Variants in ENOX1 observed in about 807,000 individuals in gnomAD.
ENOX1 encodes the protein candidate growth-related and time keeping constitutive hydroquinone (NADH) oxidase.
A neutral mutation model predicts 82.5 loss-of-function variants in ENOX1; 42 were observed. That is an observed-to-expected ratio of 0.51 (90% CI 0.40 to 0.66). The LOEUF (loss-of-function observed/expected upper bound fraction) is 0.66, where lower values mean the gene tolerates loss of function less well. Ranked by LOEUF, ENOX1 falls within the 30% of genes least tolerant of loss-of-function variation. The pLI, the probability that ENOX1 is intolerant of heterozygous loss-of-function variation, is 0.00. For synonymous variants in ENOX1, 271 were observed against 282.2 expected (o/e 0.96, Z 0.40); for missense variants, 608 against 811.6 (o/e 0.75, Z 3.05).
chr13:43,460,328 T>C (rs564551367), intron 3 of ENOX1, among the ~76,000 whole-genome samples: 1 of 152,336 alleles, frequency 6.6e-6, no homozygotes, highest in Non-Finnish European at 1.5e-5. Flanking sequence ...TAAAGTGTTC[T>C]GTTTCTATTT....
At chr13:43,572,556 A>C (rs1420716053) in intron 2 of ENOX1, among the ~76,000 whole-genome samples, 7 of 152,236 alleles carry the variant, frequency 4.6e-5, no homozygotes, top group African/African-American at 9.6e-5. Context: ...ATCAGTGAAC[A>C]TTTCTCAGAC....
At chr13:43,225,328 G>A (rs576085506) in intron 15 of ENOX1, among the ~76,000 whole-genome samples, 2 of 152,284 alleles carry the variant, frequency 1.3e-5, no homozygotes, top group South Asian at 2.1e-4. Flanking sequence ...CCATTACCAG[G>A]GGGATGGGTT....
intron 3 of ENOX1, among the ~76,000 whole-genome samples, chr13:43,435,292 G>T (rs2055951525): frequency 6.6e-6 from 1 of 152,146 alleles, no homozygotes; most frequent in Non-Finnish European, 1.5e-5. Flanking sequence ...AAGCATTAAG[G>T]GGTAGTGTGG....
rs113831557 is a variant in ENOX1 at position 43,468,627 on chromosome 13, C to T, written c.-75+15382G>A. On this transcript the variant is annotated intron_variant, in intron 3 of 16. Transcript: ENST00000690772. ...CAATATAGTGAGACCCCATTCTCCA[C>T]AAAAAAGAAAAAAAAAAAAAAACAA... is the stretch of plus-strand genomic sequence containing the variant. Among the ~76,000 whole-genome samples the T allele has an allele frequency of 1.8e-3, 177 of 96,330 alleles. 1 individual carries two copies. The highest frequency in any genetic ancestry group is 6.6e-3 in the African/African-American group (169 of 25,688). 63.2% of individuals were successfully genotyped at this position (96,330 alleles called of 152,430 possible). A position where few individuals can be genotyped will look rare whatever the true frequency, so the allele number is the denominator to read the frequency against.
chr13:43,461,385 G>T (rs1430228377), intron 3 of ENOX1, among the ~76,000 whole-genome samples: 2 of 152,198 alleles, frequency 1.3e-5, no homozygotes, highest in Non-Finnish European at 2.9e-5. Context: ...TAGGGTTCAT[G>T]ATCTATAAGC....
At chr13:43,596,991 C>T (rs531684925) in intron 2 of ENOX1, among the ~76,000 whole-genome samples, 1 of 152,260 alleles carries the variant, frequency 6.6e-6, no homozygotes, top group East Asian at 1.9e-4. Flanking sequence ...AGTTTAATTG[C>T]CTCACAGTTC....
rs1566463114 is a variant in ENOX1 at position 43,302,964 on chromosome 13, T to C, written c.1262-4434A>G. Among the ~76,000 whole-genome samples the C allele has an allele frequency of 2.0e-5, 3 of 152,322 alleles. No individual in the cohort carries two copies. In the East Asian group the frequency reaches 5.8e-4, roughly 29 times the overall value. On this transcript the variant is annotated intron_variant, in intron 11 of 16. Coordinates refer to ENST00000690772, the MANE Select transcript of ENOX1 (RefSeq NM_001347969.2). Reference sequence around the variant, plus strand: ...CAAGATGTAACTAAATAATAAAACATTTTAACATATCGTTTCTAACAATAT... The same window carrying C: ...CAAGATGTAACTAAATAATAAAACACTTTAACATATCGTTTCTAACAATAT...
At chr13:43,583,380 A>G (rs1304199482) in intron 2 of ENOX1, among the ~76,000 whole-genome samples, 1 of 152,252 alleles carries the variant, frequency 6.6e-6, no homozygotes, top group Non-Finnish European at 1.5e-5. Context: ...AAATCTATCA[A>G]CACCAAATTA....
At chr13:43,724,310 C>G (rs552957129) in intron 1 of ENOX1, among the ~76,000 whole-genome samples, 1 of 152,212 alleles carries the variant, frequency 6.6e-6, no homozygotes, top group Non-Finnish European at 1.5e-5. Flanking sequence ...CCCTAGGACA[C>G]AGAATGCTGA....
intron 2 of ENOX1, among the ~76,000 whole-genome samples, chr13:43,520,979 T>C (rs1294879501): frequency 1.3e-5 from 2 of 152,140 alleles, no homozygotes; most frequent in Non-Finnish European, 2.9e-5. Context: ...GTGTAATTAC[T>C]TGTAGAAATT....
chr13:43,392,406 C>T (rs1448015309), intron 5 of ENOX1, among the ~76,000 whole-genome samples: 1 of 152,196 alleles, frequency 6.6e-6, no homozygotes, highest in Non-Finnish European at 1.5e-5. Context: ...AGGCCGGGTG[C>T]ACTGGCTCAC....
chr13:43,638,755 A>G (rs2083509428), intron 2 of ENOX1, among the ~76,000 whole-genome samples: 1 of 152,194 alleles, frequency 6.6e-6, no homozygotes, highest in South Asian at 2.1e-4. Flanking sequence ...GATTCATCTA[A>G]CTTTAGACTG....
intron 2 of ENOX1, among the ~76,000 whole-genome samples, chr13:43,491,610 G>T (rs1412461881): frequency 6.6e-6 from 1 of 151,832 alleles, no homozygotes; most frequent in Non-Finnish European, 1.5e-5. Context: ...TCTACTAAAA[G>T]TACAAAAATA....
intron 2 of ENOX1, among the ~76,000 whole-genome samples, chr13:43,600,933 T>C (rs552033747): frequency 2.0e-5 from 3 of 152,320 alleles, no homozygotes; most frequent in East Asian, 1.9e-4. Flanking sequence ...AACAAGGTGA[T>C]AGCTCTCTGA....
At chr13:43,630,326 C>T (rs1322252632) in intron 2 of ENOX1, among the ~76,000 whole-genome samples, 2 of 152,144 alleles carry the variant, frequency 1.3e-5, no homozygotes, top group Admixed American at 1.3e-4. Flanking sequence ...GATTACACCA[C>T]ATCTTTATTT....
intron 12 of ENOX1, among the ~76,000 whole-genome samples, chr13:43,284,700 A>C (rs910520704): frequency 1.3e-5 from 2 of 152,032 alleles, no homozygotes; most frequent in South Asian, 2.1e-4. Context: ...AAACTTACTG[A>C]CAAAGTTCAA....
intron 2 of ENOX1, among the ~76,000 whole-genome samples, chr13:43,553,161 A>G (rs1240455241): frequency 6.6e-6 from 1 of 152,190 alleles, no homozygotes; most frequent in Non-Finnish European, 1.5e-5. Flanking sequence ...AATGGCACAC[A>G]AAAACGAAAT....
At chr13:43,593,641 C>T (rs1566595478) in intron 2 of ENOX1, among the ~76,000 whole-genome samples, 1 of 141,104 alleles carries the variant, frequency 7.1e-6, no homozygotes, top group Non-Finnish European at 1.5e-5. Context: ...TTCTATTCCC[C>T]CACCCCCACC....
chr13:43,542,450 T>C (rs968513542), intron 2 of ENOX1, among the ~76,000 whole-genome samples: 9 of 147,478 alleles, frequency 6.1e-5, no homozygotes, highest in East Asian at 6.0e-4. Flanking sequence ...TTTTTTTTTT[T>C]CTAATGAGAC....
Sources: allele counts gnomAD v4.1 joint callset (sites outside exome capture counted in the v4.1 genomes callset), GRCh38; gene constraint gnomAD v4.1.1; transcripts MANE v1.5; gene names NCBI Gene and HGNC (gene_info 2026-07-23, HGNC 2026-07-21).